The following DOCK2 variants were observed in gnomAD, a reference collection of about 807,000 sequenced individuals.
The protein encoded by DOCK2 is dedicator of cytokinesis protein 2.
Under a neutral mutation model 248.9 loss-of-function variants are expected in DOCK2, and 87 were observed. That is an observed-to-expected ratio of 0.35 (90% CI 0.29 to 0.42). The LOEUF is 0.42. Among genes scored for constraint, DOCK2 ranks in the 10% least tolerant of loss-of-function variants. The pLI, the probability that DOCK2 is intolerant of heterozygous loss-of-function variation, is 1.00. For missense variants in DOCK2, 1,747 were observed against 2,300.2 expected, an observed-to-expected ratio of 0.76 and a Z score of 4.92; for synonymous variants, 805 against 821.6, an observed-to-expected ratio of 0.98 and a Z score of 0.35.
At chr5:170,010,662 C>A (rs560249364) in intron 32 of DOCK2, among the ~76,000 whole-genome samples, 1 of 152,332 alleles carries the variant, frequency 6.6e-6, no homozygotes, top group South Asian at 2.1e-4. Context: ...CTAATGAAAA[C>A]TAATTGAAAG....
At chr5:169,891,142 A>T (rs573533525) in intron 27 of DOCK2, among the ~76,000 whole-genome samples, 1 of 152,056 alleles carries the variant, frequency 6.6e-6, no homozygotes, top group East Asian at 1.9e-4. Context: ...TGAACATGCT[A>T]GATTCATTCT....
chr5:169,824,001 T>C (rs1386908842), intron 26 of DOCK2, among the ~76,000 whole-genome samples: 1 of 152,182 alleles, frequency 6.6e-6, no homozygotes, highest in Non-Finnish European at 1.5e-5. Context: ...AGCCAAATCA[T>C]GAGTGAATTC....
chr5:169,661,648 T>G (rs1758451630), intron 2 of DOCK2, among the ~76,000 whole-genome samples: 1 of 152,126 alleles, frequency 6.6e-6, no homozygotes, highest in South Asian at 2.1e-4. Flanking sequence ...TGGTAACCCC[T>G]GTTTCATTCT....
intron 27 of DOCK2, among the ~76,000 whole-genome samples, chr5:169,919,370 G>A (rs1380326512): frequency 1.3e-5 from 2 of 152,106 alleles, no homozygotes; most frequent in Admixed American, 1.3e-4. Flanking sequence ...TCCCTCCATA[G>A]ATGGAAATAA....
intron 27 of DOCK2, among the ~76,000 whole-genome samples, chr5:169,894,039 T>G (rs2113551001): frequency 6.6e-6 from 1 of 152,318 alleles, no homozygotes; most frequent in East Asian, 1.9e-4. Context: ...CACATTTGGC[T>G]GATTAAAATA....
chr5:169,810,880 A>C (rs947656197), intron 26 of DOCK2, among the ~76,000 whole-genome samples: 2 of 151,484 alleles, frequency 1.3e-5, no homozygotes, highest in African/African-American at 2.4e-5. Context: ...CCCATTCCAC[A>C]TGCCCCCCAC....
intron 27 of DOCK2, among the ~76,000 whole-genome samples, chr5:169,887,168 A>G (rs1773019870): frequency 6.6e-6 from 1 of 152,210 alleles, no homozygotes; most frequent in South Asian, 2.1e-4. Context: ...GTGCAAGGCT[A>G]GCAAGCAGGT....
intron 1 of DOCK2, among the ~76,000 whole-genome samples, chr5:169,653,450 G>A (rs552942677): frequency 2.6e-5 from 4 of 152,332 alleles, no homozygotes; most frequent in Non-Finnish European, 4.4e-5. Flanking sequence ...GGAGGAGTCT[G>A]GAGACGTAGC....
chr5:169,933,000 C>T (rs1279131699), intron 27 of DOCK2, among the ~76,000 whole-genome samples: 1 of 152,200 alleles, frequency 6.6e-6, no homozygotes, highest in East Asian at 1.9e-4. Context: ...CTCTGTCTGC[C>T]ATTCTCTGCA....
At chr5:170,007,933 G>A (rs986124469) in intron 30 of DOCK2, among the ~76,000 whole-genome samples, 2 of 152,208 alleles carry the variant, frequency 1.3e-5, no homozygotes, top group African/African-American at 4.8e-5. Context: ...GTTCCCAGGT[G>A]CTGCTGCTGA....
chr5:169,857,455 A>G (rs893546188), intron 27 of DOCK2, among the ~76,000 whole-genome samples: 5 of 152,232 alleles, frequency 3.3e-5, no homozygotes, highest in African/African-American at 9.7e-5. Flanking sequence ...CAGGGATTAC[A>G]GGTGCACGAC....
intron 27 of DOCK2, chr5:169,883,743 A>T: frequency 6.4e-7 from 1 of 1,551,622 alleles, no homozygotes; most frequent in Non-Finnish European, 8.7e-7. Context: ...CGTCAACCTC[A>T]GCTAGGCCAG....
intron 27 of DOCK2, among the ~76,000 whole-genome samples, chr5:169,859,843 C>A (rs146149573): frequency 6.6e-6 from 1 of 152,078 alleles, no homozygotes; most frequent in African/African-American, 2.4e-5. Context: ...TTCCACACAA[C>A]AAGAATCTTT....
chr5:170,012,497 T>A (rs1240868542), intron 32 of DOCK2, among the ~76,000 whole-genome samples: 2 of 152,226 alleles, frequency 1.3e-5, no homozygotes, highest in Admixed American at 1.3e-4. Flanking sequence ...CCTGTGTTTA[T>A]AAGATAGCTA....
chr5:169,838,365 A>G (rs536331061), intron 26 of DOCK2, among the ~76,000 whole-genome samples: 22 of 152,312 alleles, frequency 1.4e-4, no homozygotes, highest in African/African-American at 5.3e-4. Context: ...CAGTTTCTTC[A>G]TCTGAACAAT....
At chr5:169,859,343 A>G (rs1196071636) in intron 27 of DOCK2, among the ~76,000 whole-genome samples, 2 of 152,174 alleles carry the variant, frequency 1.3e-5, no homozygotes, top group Non-Finnish European at 2.9e-5. Flanking sequence ...GAAGATGGGG[A>G]GGAAGTTGAG....
At position 169,973,793 on chromosome 5, in the gene DOCK2, C is replaced by G. The variant is rs529040383; in HGVS notation, c.2800-9275C>G. On this transcript the variant is annotated intron_variant, in intron 27 of 51. Coordinates refer to ENST00000520908, the MANE Select transcript of DOCK2 (RefSeq NM_004946.3). ...AAGAGGGCTGGTTCTGTCTATGTAACTGTGTAACTTTACCAATTGGTCTAT... is the reference window on the plus strand; with the variant it reads ...AAGAGGGCTGGTTCTGTCTATGTAAGTGTGTAACTTTACCAATTGGTCTAT... Among the ~76,000 whole-genome samples, 7 of 152,302 alleles carry G rather than the reference C, an allele frequency of 4.6e-5. 1 individual carries two copies. In the South Asian group the frequency reaches 1.5e-3, roughly 32 times the overall value.
At chr5:169,899,539 T>C (rs890211157) in intron 27 of DOCK2, among the ~76,000 whole-genome samples, 2 of 152,150 alleles carry the variant, frequency 1.3e-5, no homozygotes, top group African/African-American at 2.4e-5. Flanking sequence ...GGCCAAAAGA[T>C]CAATAATGGA....
intron 25 of DOCK2, among the ~76,000 whole-genome samples, chr5:169,780,139 G>T (rs1765619228): frequency 6.6e-6 from 1 of 152,160 alleles, no homozygotes; most frequent in African/African-American, 2.4e-5. Context: ...GCATTGCTGT[G>T]CTAAGAAGCA....
Sources: allele counts gnomAD v4.1 joint callset (sites outside exome capture counted in the v4.1 genomes callset), GRCh38; gene constraint gnomAD v4.1.1; transcripts MANE v1.5; gene names NCBI Gene and HGNC (gene_info 2026-07-23, HGNC 2026-07-21).